Variants in DPP6 observed in about 807,000 individuals in gnomAD.
The protein encoded by DPP6 is dipeptidyl peptidase like 6.
Under a neutral mutation model 122.6 loss-of-function variants are expected in DPP6, and 69 were observed. That is an observed-to-expected ratio of 0.56 (90% CI 0.46 to 0.69). DPP6 has a LOEUF of 0.69. Among genes scored for constraint, DPP6 ranks in the 30% least tolerant of loss-of-function variants. The pLI is 0.00. For synonymous variants in DPP6, 418 were observed against 433.1 expected (o/e 0.97, Z 0.43); for missense variants, 928 against 1,116.9 (o/e 0.83, Z 2.41).
intron 5 of DPP6, among the ~76,000 whole-genome samples, chr7:154,610,140 G>A (rs187892170): frequency 2.0e-4 from 31 of 152,182 alleles, no homozygotes; most frequent in South Asian, 1.9e-3. Context: ...AATATCCCTC[G>A]CCTTACCTTT....
intron 1 of DPP6, among the ~76,000 whole-genome samples, chr7:154,119,267 A>G (rs1807245167): frequency 6.6e-6 from 1 of 152,184 alleles, no homozygotes; most frequent in South Asian, 2.1e-4. Flanking sequence ...GTAACTGAAC[A>G]CAGGTCCGGA....
the DPP6 span, among the ~76,000 whole-genome samples, chr7:153,873,138 C>G: frequency 6.6e-6 from 1 of 152,174 alleles, no homozygotes; most frequent in Non-Finnish European, 1.5e-5. Flanking sequence ...TGAGGAAGAA[C>G]ACAAAGCAGA....
At chr7:154,641,773 G>A (rs914185305) in intron 6 of DPP6, among the ~76,000 whole-genome samples, 18 of 152,064 alleles carry the variant, frequency 1.2e-4, no homozygotes, top group Non-Finnish European at 1.6e-4. Context: ...AGAAAAATTG[G>A]TCCTATCACT....
rs77066197 is a variant in DPP6 at position 154,570,597 on chromosome 7, G to A, written c.627+3681G>A. Among the ~76,000 whole-genome samples the A allele has an allele frequency of 8.2e-3, 1,245 of 152,256 alleles. 16 individuals are homozygous for A. Among genetic ancestry groups the A allele is most frequent in the African/African-American group, 0.028 (1,166 of 41,546 alleles). On this transcript the variant is annotated intron_variant, in intron 5 of 25. Transcript: ENST00000377770. ...AAATCCACAAAATATGTAATAAAAG[G>A]AAAATACCTCAGTTGTGAAATATCC...
intron 3 of DPP6, among the ~76,000 whole-genome samples, chr7:154,484,265 T>C (rs1000192414): frequency 2.0e-5 from 3 of 152,148 alleles, no homozygotes; most frequent in African/African-American, 7.2e-5. Context: ...CAACAGAAAG[T>C]GTCTCCTCTG....
intron 1 of DPP6, among the ~76,000 whole-genome samples, chr7:154,348,230 A>T (rs1419734045): frequency 6.6e-6 from 1 of 152,198 alleles, no homozygotes; most frequent in Non-Finnish European, 1.5e-5. Context: ...TAATTTTTTA[A>T]AGTGATCTGA....
In DPP6 at chr7:154,866,634, C is replaced by T. The variant is rs112825363; in HGVS notation, c.1715-1361C>T. Among the ~76,000 whole-genome samples the T allele has an allele frequency of 9.5e-3, 1,454 of 152,308 alleles. 33 individuals carry two copies. Among genetic ancestry groups the T allele is most frequent in the African/African-American group, 0.033 (1,374 of 41,548 alleles). On this transcript the variant is annotated intron_variant, in intron 17 of 25. Coordinates refer to ENST00000377770, the MANE Select transcript of DPP6 (RefSeq NM_130797.4). ...CAAGGGACACGTTTCTCGCATGCTA[C>T]GTGGTGTTCGGAACCTTTCCCAGTG...
At chr7:153,859,146 G>A in the DPP6 span, among the ~76,000 whole-genome samples, 1 of 152,160 alleles carries the variant, frequency 6.6e-6, no homozygotes, top group Non-Finnish European at 1.5e-5. Flanking sequence ...TGCAATAAGG[G>A]TGTTGGGATC....
chr7:154,246,203 TAAAAGAACAATATGTC>T (rs1220864829), intron 1 of DPP6, among the ~76,000 whole-genome samples: 1 of 152,140 alleles, frequency 6.6e-6, no homozygotes, highest in African/African-American at 2.4e-5. Context: ...TAAACTGTAA[TAAAAGAACAATATGTC>T]AAGGCTTTCT....
At position 154,875,739 on chromosome 7, in the gene DPP6, C is replaced by T. The variant is rs929972900; in HGVS notation, c.1884-167C>T. On this transcript the variant is annotated intron_variant, in intron 19 of 25. Coordinates refer to ENST00000377770, the MANE Select transcript of DPP6 (RefSeq NM_130797.4). This position sits in a 1 kb window ranked among gnomAD's most constrained non-coding sequence, Gnocchi z 4.5. ...TCCTCACTTTATGGGGTGTGGATAA[C>T]ACCTGGCTCACCTGCCCGGGGCAAC... Among the ~76,000 whole-genome samples the T allele has an allele frequency of 2.6e-5, 4 of 152,170 alleles. No homozygotes were observed. Among genetic ancestry groups the T allele is most frequent in the Non-Finnish European group, 5.9e-5 (4 of 68,036 alleles).
At chr7:154,023,818 A>G (rs1247392227) in intron 1 of DPP6, among the ~76,000 whole-genome samples, 2 of 152,006 alleles carry the variant, frequency 1.3e-5, no homozygotes, top group East Asian at 3.9e-4. Flanking sequence ...TTGTATTACA[A>G]AGACCTACAC....
intron 1 of DPP6, among the ~76,000 whole-genome samples, chr7:154,340,627 T>A (rs1234117815): frequency 6.6e-6 from 1 of 152,224 alleles, no homozygotes; most frequent in African/African-American, 2.4e-5. Context: ...TTGAAAAAAA[T>A]ACTTCCATTA....
At chr7:154,500,561 A>G (rs554292400) in intron 3 of DPP6, among the ~76,000 whole-genome samples, 1 of 152,182 alleles carries the variant, frequency 6.6e-6, no homozygotes, top group East Asian at 1.9e-4. Flanking sequence ...GTCTCATGAG[A>G]TCTGATGGTT....
chr7:154,365,742 A>G (rs931947276), intron 1 of DPP6, among the ~76,000 whole-genome samples: 61 of 151,922 alleles, frequency 4.0e-4, no homozygotes, highest in African/African-American at 1.4e-3. Context: ...TCACAAGGTC[A>G]GGAGATCGAG....
At chr7:154,438,260 G>T (rs1819039306) in intron 1 of DPP6, among the ~76,000 whole-genome samples, 1 of 151,994 alleles carries the variant, frequency 6.6e-6, no homozygotes. Context: ...AAGGTCAGGA[G>T]ATCGAGACCA....
chr7:154,031,436 C>T (rs1432309727), intron 1 of DPP6, among the ~76,000 whole-genome samples: 2 of 151,652 alleles, frequency 1.3e-5, no homozygotes, highest in Non-Finnish European at 2.9e-5. Context: ...AAACTGCTGC[C>T]CTTCAGCATG....
chr7:154,243,122 A>G (rs568070653), intron 1 of DPP6, among the ~76,000 whole-genome samples: 6 of 152,340 alleles, frequency 3.9e-5, no homozygotes, highest in African/African-American at 1.2e-4. Flanking sequence ...ATCAGTTGGT[A>G]ATTTCCCTGC....
At chr7:154,741,378 C>T (rs1345312346) in intron 8 of DPP6, among the ~76,000 whole-genome samples, 1 of 152,222 alleles carries the variant, frequency 6.6e-6, no homozygotes, top group African/African-American at 2.4e-5. Flanking sequence ...ACGATTAGCC[C>T]CTCCCCAGCA....
chr7:154,142,953 T>G (rs1197835743), intron 1 of DPP6, among the ~76,000 whole-genome samples: 1 of 138,882 alleles, frequency 7.2e-6, no homozygotes, highest in Non-Finnish European at 1.5e-5. Flanking sequence ...GTCTTCCATA[T>G]GCCAAAGCGG....
Sources: allele counts gnomAD v4.1 joint callset (sites outside exome capture counted in the v4.1 genomes callset), GRCh38; gene constraint gnomAD v4.1.1; non-coding constraint Gnocchi (gnomAD v3.1); transcripts MANE v1.5; gene names NCBI Gene and HGNC (gene_info 2026-07-23, HGNC 2026-07-21).